COL6A6: variants seen among roughly 807,000 people sequenced by gnomAD.
COL6A6 encodes collagen type VI alpha 6 chain.
In COL6A6, 183 loss-of-function variants were observed where a neutral mutation model predicts 208.6. The ratio of observed to expected loss-of-function variants is 0.88; its 90% CI spans 0.78 to 0.99. The LOEUF (loss-of-function observed/expected upper bound fraction) is 0.99, where lower values mean the gene tolerates loss of function less well. COL6A6 is among the 50% of genes least tolerant of loss of function. The pLI is 0.00. For missense variants in COL6A6, 2,816 were observed against 2,815.2 expected (o/e 1.00, Z -0.01); for synonymous variants, 973 against 1,011.8 (o/e 0.96, Z 0.73).
chr3:130,603,270 A>G (rs561516575), intron 20 of COL6A6, among the ~76,000 whole-genome samples: 1 of 152,356 alleles, frequency 6.6e-6, no homozygotes, highest in South Asian at 2.1e-4. Context: ...GTGGGGGGCT[A>G]GGCCTCCGCC....
At chr3:130,650,994 T>C (rs1018573621) in intron 33 of COL6A6, among the ~76,000 whole-genome samples, 2 of 152,212 alleles carry the variant, frequency 1.3e-5, no homozygotes, top group Non-Finnish European at 2.9e-5. Flanking sequence ...TGTGAAAGTG[T>C]TGAAATAAGC....
Position 130,610,647 on chromosome 3 carries a change from A to G in COL6A6, c.4753-2A>G. On this transcript the variant is annotated splice_acceptor_variant, in intron 22 of 36. Transcript: ENST00000358511. LOFTEE classifies it high-confidence loss of function. ...AATAATGCTTTAATTCTATGTACTT[A>G]GGGCCCAAGAGGAGAGGCTGGTGTG... is the stretch of plus-strand genomic sequence containing the variant. 3 of 1,583,118 alleles carry G rather than the reference A, an allele frequency of 1.9e-6. No homozygotes were observed. Among genetic ancestry groups the G allele is most frequent in the Non-Finnish European group, 2.6e-6 (3 of 1,162,408 alleles).
In COL6A6 at chr3:130,662,120, C is replaced by T. The variant is rs1198988750; in HGVS notation, c.6314C>T (p.Ser2105Phe). ...HLDGEILKKE[S>F]LRAKCQGYAL... ...GATGGGGAAATCTTAAAGAAGGAAT[C>T]CTTGCGAGCCAAATGTCAGGGATAT... The change falls in exon 35 of 37, where the codon TCC becomes TTC. Residue 2105 changes from serine (S) to phenylalanine (F), a missense_variant. Ser to Phe is a radical substitution (Grantham distance 155, BLOSUM62 -2). Coordinates refer to ENST00000358511, the MANE Select transcript of COL6A6 (RefSeq NM_001102608.3). 6.2e-7 allele frequency: 1 copy of T among 1,614,006 alleles called. No homozygotes were observed. Among genetic ancestry groups the T allele is most frequent in the South Asian group, 1.1e-5 (1 of 91,074 alleles).
intron 36 of COL6A6, among the ~76,000 whole-genome samples, chr3:130,674,003 A>G (rs1265228866): frequency 6.6e-6 from 1 of 152,150 alleles, no homozygotes; most frequent in East Asian, 1.9e-4. Flanking sequence ...GTTGTTGCTC[A>G]CAACAACAGA....
intron 21 of COL6A6, 48 bp downstream of exon 21, chr3:130,607,014 A>G (rs779512078): frequency 2.8e-6 from 4 of 1,423,252 alleles, no homozygotes; most frequent in Admixed American, 1.9e-5. Context: ...ACTGCATCCA[A>G]TCAGGGAGCT....
At chr3:130,665,243 G>A in intron 36 of COL6A6, 147 bp downstream of exon 36, 13 of 544,920 alleles carry the variant, frequency 2.4e-5, no homozygotes, top group South Asian at 5.8e-5. Context: ...ATAATTCGAA[G>A]GAACAAGAGA....
rs756992568 is a variant in COL6A6 at position 130,592,563 on chromosome 3, C to T, written c.4295C>T (p.Pro1432Leu). 6.2e-7 allele frequency: 1 copy of T among 1,609,576 alleles called. No individual in the cohort carries two copies. The highest frequency in any genetic ancestry group is 1.7e-5 in the Admixed American group (1 of 59,252). ...CAGGGAGAAAGAGGAGCCCCTGGAC[C>T]AGTGGGAGAGCAAGGTACTAAGGGA... ...GIAGERGAPG[P>L]VGEQGTKGCY... Residue 1432 changes from proline (P) to leucine (L), a missense_variant, in exon 14 of 37, where the codon CCA becomes CTA. Transcript: ENST00000358511.
intron 24 of COL6A6, among the ~76,000 whole-genome samples, chr3:130,625,362 C>A (rs1381801566): frequency 6.6e-6 from 1 of 152,154 alleles, no homozygotes; most frequent in Non-Finnish European, 1.5e-5. Context: ...TTCACACTTT[C>A]TTCCAAAGAG....
chr3:130,641,172 G>T lies in COL6A6; in HGVS notation c.5092-480G>T, dbSNP rs191188115. Among the ~76,000 whole-genome samples, 80 of 151,218 alleles carry T rather than the reference G, an allele frequency of 5.3e-4. 1 individual carries two copies. The highest frequency in any genetic ancestry group is 6.3e-4 in the Non-Finnish European group (43 of 67,958). ...GTGGGTGGGGGTCCTATTACCTGTT[G>T]CCTATTGCAGCAACAAACAGTAAGG... On this transcript the variant is annotated intron_variant, in intron 28 of 36. Coordinates refer to ENST00000358511, the MANE Select transcript of COL6A6 (RefSeq NM_001102608.3).
chr3:130,523,404 C>T (rs11718306), intron 1 of COL6A6, among the ~76,000 whole-genome samples: 13,180 of 152,214 alleles, frequency 0.087, 618 homozygotes, highest in South Asian at 0.13. Flanking sequence ...AGACTGCCTT[C>T]AGTGCCAGCT....
chr3:130,634,961 G>A (rs1357385316), intron 27 of COL6A6, among the ~76,000 whole-genome samples: 18 of 152,226 alleles, frequency 1.2e-4, no homozygotes, highest in Admixed American at 9.2e-4. Context: ...AAGGCCAGGC[G>A]TGGTGGCTCA....
rs1340833722 is a variant in COL6A6 at position 130,574,501 on chromosome 3, A to T, written c.3523A>T (p.Ile1175Phe). Residue 1175 changes from isoleucine to phenylalanine, a missense_variant, in exon 8 of 37, where the codon ATC becomes TTC. By Grantham distance (21) the Ile-to-Phe change is conservative (BLOSUM62 0). Transcript: ENST00000358511. ...KKVNKRIVRN[I>F]CTTAGESNCF... ...GGTCAATAAAAGGATCGTTCGCAAC[A>T]TCTGTACCACAGCGGGTGAAAGCAG... 1 of 1,613,942 alleles carries T rather than the reference A, an allele frequency of 6.2e-7. No homozygotes were observed. The highest frequency in any genetic ancestry group is 2.2e-5 in the East Asian group (1 of 44,892).
rs141533399 is a variant in COL6A6 at position 130,654,232 on chromosome 3, C to G, written c.5734-4444C>G. Among the ~76,000 whole-genome samples the G allele has an allele frequency of 2.6e-3, 399 of 152,304 alleles. 2 individuals carry two copies. The highest frequency in any genetic ancestry group is 9.1e-3 in the African/African-American group (379 of 41,550). On this transcript the variant is annotated intron_variant, in intron 33 of 36. Transcript: ENST00000358511. ...TCCACCCCTTCTGAGGCTCACTTGG[C>G]TCATCTTTAAATGGTTGCAATAGAT... is the stretch of plus-strand genomic sequence containing the variant.
chr3:130,645,445 T>C (rs2065440302), intron 32 of COL6A6, among the ~76,000 whole-genome samples: 2 of 152,124 alleles, frequency 1.3e-5, no homozygotes, highest in African/African-American at 2.4e-5. Context: ...GCTTGACTAA[T>C]TTTTGTATTT....
At chr3:130,620,307 C>T (rs2064672725) in intron 23 of COL6A6, among the ~76,000 whole-genome samples, 1 of 152,062 alleles carries the variant, frequency 6.6e-6, no homozygotes, top group Non-Finnish European at 1.5e-5. Flanking sequence ...GAGGATGGAG[C>T]CCTGGGGCAC....
At chr3:130,543,193 C>T (rs529712860) in intron 1 of COL6A6, among the ~76,000 whole-genome samples, 9 of 152,044 alleles carry the variant, frequency 5.9e-5, no homozygotes, top group African/African-American at 1.4e-4. Flanking sequence ...TGTGAGCCAC[C>T]GTGTCTGACC....
intron 1 of COL6A6, among the ~76,000 whole-genome samples, chr3:130,560,120 C>G (rs1413224956): frequency 1.3e-5 from 2 of 152,154 alleles, no homozygotes; most frequent in Non-Finnish European, 2.9e-5. Flanking sequence ...CATGTTTCTA[C>G]TAGGTCTGGG....
At chr3:130,646,807 G>C (rs569260689) in intron 32 of COL6A6, among the ~76,000 whole-genome samples, 14 of 152,282 alleles carry the variant, frequency 9.2e-5, no homozygotes, top group African/African-American at 3.4e-4. Context: ...AGTTGTGATG[G>C]GGTGGGTATT....
chr3:130,600,896 A>G (rs1016720380), intron 20 of COL6A6, among the ~76,000 whole-genome samples: 1 of 152,196 alleles, frequency 6.6e-6, no homozygotes, highest in Non-Finnish European at 1.5e-5. Context: ...AACAGGAAAA[A>G]AAAAGGGGGA....
Sources: allele counts gnomAD v4.1 joint callset (sites outside exome capture counted in the v4.1 genomes callset), GRCh38; gene constraint gnomAD v4.1.1; transcripts MANE v1.5; gene names NCBI Gene and HGNC (gene_info 2026-07-23, HGNC 2026-07-21).